The following CWF19L2 variants were observed in gnomAD, a reference collection of about 807,000 sequenced individuals.
CWF19L2 encodes CWF19 like cell cycle control factor 2.
A neutral mutation model predicts 111.7 loss-of-function variants in CWF19L2; 98 were observed. The observed-to-expected ratio is 0.88, with a 90% CI of 0.75 to 1.04. The LOEUF (loss-of-function observed/expected upper bound fraction) is 1.04. CWF19L2 is among the 50% of genes least tolerant of loss of function. CWF19L2 has a pLI of 0.00. For synonymous variants in CWF19L2, 351 were observed against 342.9 expected, an observed-to-expected ratio of 1.02 and a Z score of -0.26; for missense variants, 1,101 against 1,051.4, an observed-to-expected ratio of 1.05 and a Z score of -0.65.
Position 107,433,211 on chromosome 11 carries a change from A to T in CWF19L2, c.780+423T>A, listed in dbSNP as rs560971510. Among the ~76,000 whole-genome samples the T allele has an allele frequency of 1.2e-4, 19 of 152,290 alleles. No individual in the cohort carries two copies. In the East Asian group the frequency reaches 3.1e-3, roughly 25 times the overall value. Reference sequence around the variant, plus strand: ...CAGAACGATGGGGAAACTGGTTCTAAAATATATACTGTTGCACAGTTTCAT... The same window carrying T: ...CAGAACGATGGGGAAACTGGTTCTATAATATATACTGTTGCACAGTTTCAT... On this transcript the variant is annotated intron_variant, in intron 7 of 17. Transcript: ENST00000282251.
At chr11:107,439,058 C>CA in intron 6 of CWF19L2, 32 bp downstream of exon 6, 1 of 453,842 alleles carries the variant, frequency 2.2e-6, no homozygotes, top group Non-Finnish European at 3.5e-6. Context: ...AAAAAAAAAC[C>CA]CTGTGTGTCT....
intron 12 of CWF19L2, among the ~76,000 whole-genome samples, chr11:107,355,371 C>A (rs1000860173): frequency 6.6e-6 from 1 of 150,418 alleles, no homozygotes; most frequent in Non-Finnish European, 1.5e-5. Flanking sequence ...GCCAAGATAG[C>A]GCCACTGCAC....
At chr11:107,352,526 T>C (rs866276508) in intron 13 of CWF19L2, among the ~76,000 whole-genome samples, 2 of 152,268 alleles carry the variant, frequency 1.3e-5, no homozygotes, top group Middle Eastern at 3.4e-3. Flanking sequence ...GGCAAAAATA[T>C]TAAAGAATGA....
chr11:107,339,610 G>C (rs992325406), intron 14 of CWF19L2, among the ~76,000 whole-genome samples: 2 of 149,898 alleles, frequency 1.3e-5, no homozygotes, highest in Non-Finnish European at 3.0e-5. Context: ...ATGCTTATTT[G>C]CCATCTATTA....
At chr11:107,348,437 C>T (rs570628555) in intron 14 of CWF19L2, among the ~76,000 whole-genome samples, 10 of 152,174 alleles carry the variant, frequency 6.6e-5, no homozygotes, top group South Asian at 4.1e-4. Flanking sequence ...AAAAGCTGGG[C>T]CAGATTATGA....
intron 13 of CWF19L2, among the ~76,000 whole-genome samples, chr11:107,351,412 G>A (rs12269789): frequency 6.6e-6 from 1 of 152,138 alleles, no homozygotes; most frequent in East Asian, 1.9e-4. Flanking sequence ...AGGTGGAGAC[G>A]GGTATTAGAC....
intron 12 of CWF19L2, among the ~76,000 whole-genome samples, chr11:107,379,133 C>A (rs1860643237): frequency 6.6e-6 from 1 of 152,178 alleles, no homozygotes; most frequent in African/African-American, 2.4e-5. Context: ...GTTAATTATA[C>A]CCTGTTGAGA....
chr11:107,339,365 A>G (rs1859972512), intron 14 of CWF19L2, among the ~76,000 whole-genome samples: 1 of 152,176 alleles, frequency 6.6e-6, no homozygotes, highest in Non-Finnish European at 1.5e-5. Context: ...GCAAGAGTTG[A>G]GTCCTATGAT....
intron 10 of CWF19L2, among the ~76,000 whole-genome samples, chr11:107,409,035 C>T (rs1273171564): frequency 2.0e-5 from 3 of 151,410 alleles, no homozygotes; most frequent in Non-Finnish European, 2.9e-5. Flanking sequence ...AGTCTTGTAA[C>T]TTTTTTTCTG....
chr11:107,368,173 G>A lies in CWF19L2; in HGVS notation c.1873-14437C>T, dbSNP rs569340962. ...TAAGATAAAAAGTTGACTCTGAAAA[G>A]ATAAACAAAATTGACAAACTGCTAG... is the stretch of plus-strand genomic sequence containing the variant. On this transcript the variant is annotated intron_variant, in intron 12 of 17. Transcript: ENST00000282251. 1.5e-4 allele frequency among the ~76,000 whole-genome samples: 20 copies of A among 129,838 alleles called. 5 individuals are homozygous for A. The South Asian group carries it at 4.7e-3, about 30-fold the overall frequency. 85.2% of individuals were successfully genotyped at this position (129,838 alleles called of 152,430 possible).
chr11:107,420,637 G>C (rs1468404024), intron 8 of CWF19L2, among the ~76,000 whole-genome samples: 2 of 151,942 alleles, frequency 1.3e-5, no homozygotes, highest in East Asian at 3.9e-4. Context: ...ATCTTGGATA[G>C]TACCAAACCT....
At chr11:107,409,072 C>A (rs1044818250) in intron 10 of CWF19L2, among the ~76,000 whole-genome samples, 4 of 150,488 alleles carry the variant, frequency 2.7e-5, no homozygotes, top group Non-Finnish European at 4.4e-5. Context: ...GGATCAACTG[C>A]AGGGATTGGG....
At chr11:107,395,401 C>CA (rs1023642049) in intron 10 of CWF19L2, among the ~76,000 whole-genome samples, 2 of 152,192 alleles carry the variant, frequency 1.3e-5, no homozygotes, top group Admixed American at 6.5e-5. Context: ...AGCATGAAAA[C>CA]AGACAAATAC....
chr11:107,440,315 T>A (rs1861603748), intron 5 of CWF19L2, among the ~76,000 whole-genome samples: 1 of 152,286 alleles, frequency 6.6e-6, no homozygotes, highest in South Asian at 2.1e-4. Flanking sequence ...AATATACTAC[T>A]GAAAATTAAA....
intron 8 of CWF19L2, among the ~76,000 whole-genome samples, chr11:107,419,004 G>A (rs1861266897): frequency 6.6e-6 from 1 of 152,186 alleles, no homozygotes; most frequent in Admixed American, 6.5e-5. Flanking sequence ...AGAATTCACA[G>A]AACAGAGTAC....
intron 3 of CWF19L2, among the ~76,000 whole-genome samples, chr11:107,454,064 C>G (rs1227124533): frequency 6.6e-6 from 1 of 152,148 alleles, no homozygotes; most frequent in Non-Finnish European, 1.5e-5. Context: ...CTGGACCCAC[C>G]CTCAGGCCTG....
At position 107,408,497 on chromosome 11, in the gene CWF19L2, AACAG is replaced by A. The variant is rs1591187891; in HGVS notation, c.1617+7708_1617+7711del. 3.3e-5 allele frequency among the ~76,000 whole-genome samples: 5 copies of A among 152,046 alleles called. No homozygotes were observed. The South Asian group carries it at 6.2e-4, about 19-fold the overall frequency. On this transcript the variant is annotated intron_variant, in intron 10 of 17. Coordinates refer to ENST00000282251, the MANE Select transcript of CWF19L2 (RefSeq NM_152434.3). ...TTTTATGTGAGGTATGAGACTAGAG[AACAG>A]ACAGATTCTGCATGCTAATACTAGT...
In CWF19L2 at chr11:107,442,796, G is replaced by GGA. The variant is rs1565287351; in HGVS notation, c.450+142_450+143insTC. 7.3e-4 allele frequency: 126 copies of GGA among 172,762 alleles called. 8 individuals are homozygous for GGA. The highest frequency in any genetic ancestry group is 5.8e-3 in the African/African-American group (31 of 5,374). 10.7% of individuals were successfully genotyped at this position (172,762 alleles called of 1,614,324 possible). On this transcript the variant is annotated intron_variant, in intron 4 of 17. Coordinates refer to ENST00000282251, the MANE Select transcript of CWF19L2 (RefSeq NM_152434.3). The stretch of plus-strand genomic sequence containing the variant: ...GAAGGAAGGAAGGAAGGAAGGAAGG[G>GGA]AGGGAGGGAGGGAGGGAGGGAGGGG...
chr11:107,416,186 T>A, intron 10 of CWF19L2, 23 bp downstream of exon 10: 1 of 864,440 alleles, frequency 1.2e-6, no homozygotes, highest in Non-Finnish European at 1.7e-6. Context: ...GGTAATTACA[T>A]TCTCCAAACT....
Sources: gnomAD v4.1 joint callset for allele counts (sites outside exome capture counted in the v4.1 genomes callset) on GRCh38, gnomAD v4.1.1 for gene constraint, MANE v1.5 for transcripts, NCBI Gene and HGNC (gene_info 2026-07-23, HGNC 2026-07-21) for gene names.